GFOD1: variants seen among roughly 807,000 people sequenced by gnomAD.
The protein encoded by GFOD1 is Gfo/Idh/MocA-like oxidoreductase domain containing 1.
Under a neutral mutation model 25.4 loss-of-function variants are expected in GFOD1, and 9 were observed. The observed-to-expected ratio is 0.35, with a 90% CI of 0.21 to 0.62. The LOEUF (loss-of-function observed/expected upper bound fraction) is 0.62. Among genes scored for constraint, GFOD1 ranks in the 20% least tolerant of loss-of-function variants. The pLI, the probability that GFOD1 is intolerant of heterozygous loss-of-function variation, is 0.72. For synonymous variants in GFOD1, 253 were observed against 245.6 expected, an observed-to-expected ratio of 1.03 and a Z score of -0.28; for missense variants, 403 against 556.9, an observed-to-expected ratio of 0.72 and a Z score of 2.78.
chr6:13,427,520 G>A (rs1045907663), intron 1 of GFOD1, among the ~76,000 whole-genome samples: 1 of 152,110 alleles, frequency 6.6e-6, no homozygotes, highest in Non-Finnish European at 1.5e-5. Context: ...GCATGGTGGT[G>A]TGCACCTCTA....
intron 1 of GFOD1, among the ~76,000 whole-genome samples, chr6:13,422,133 AAC>A (rs937350224): frequency 6.6e-6 from 1 of 151,970 alleles, no homozygotes; most frequent in Non-Finnish European, 1.5e-5. Context: ...CACATGCACA[AAC>A]ACACACTCTC....
chr6:13,425,040 C>T (rs61017983), intron 1 of GFOD1, among the ~76,000 whole-genome samples: 9,113 of 150,182 alleles, frequency 0.061, 353 homozygotes, highest in Middle Eastern at 0.12. Flanking sequence ...CTCATTGCAG[C>T]CTTGACCTCC....
At position 13,365,593 on chromosome 6, in the gene GFOD1, G is replaced by C; in HGVS notation, c.323C>G (p.Ala108Gly). The change falls in exon 2 of 2, where the codon GCC (alanine) becomes GGC (glycine). Residue 108 changes from alanine to glycine, a missense_variant. Ala to Gly is a moderately conservative substitution (Grantham distance 60). Coordinates refer to ENST00000379287, the MANE Select transcript of GFOD1 (RefSeq NM_018988.4). The surrounding 1 kb of genome is among the most constrained non-coding windows in gnomAD (Gnocchi z 9.2). Reference sequence around the variant, plus strand: ...GCTCATGAGCTTGGGGTAGTAGTGGGCGGCCGAGGTCATGCGGAAAGCGTC... The same window carrying C: ...GCTCATGAGCTTGGGGTAGTAGTGGCCGGCCGAGGTCATGCGGAAAGCGTC... Reference protein sequence around the residue: ...PLDAFRMTSAAHYYPKLMSIM... With the variant: ...PLDAFRMTSAGHYYPKLMSIM... 3 of 1,607,070 alleles carry C rather than the reference G, an allele frequency of 1.9e-6. No individual in the cohort carries two copies. The highest frequency in any genetic ancestry group is 2.5e-6 in the Non-Finnish European group (3 of 1,179,876).
chr6:13,422,173 C>T (rs1786269996), intron 1 of GFOD1, among the ~76,000 whole-genome samples: 1 of 152,076 alleles, frequency 6.6e-6, no homozygotes, highest in African/African-American at 2.4e-5. Flanking sequence ...TGCCCTTTTC[C>T]AATTAAGGCT....
At chr6:13,380,347 A>C (rs1562198426) in intron 1 of GFOD1, among the ~76,000 whole-genome samples, 1 of 152,244 alleles carries the variant, frequency 6.6e-6, no homozygotes, top group Non-Finnish European at 1.5e-5. Context: ...TGCAAGAAGA[A>C]AGTTATTACT....
intron 1 of GFOD1, among the ~76,000 whole-genome samples, chr6:13,411,086 C>T (rs924193929): frequency 2.6e-5 from 4 of 152,128 alleles, no homozygotes; most frequent in Admixed American, 6.5e-5. Context: ...GCTGTCATTG[C>T]GTTATAGGAC....
Position 13,477,216 on chromosome 6 carries a change from G to GTGTGTGTGTGTGTGT in GFOD1, c.253+9421_253+9422insACACACACACACACA, listed in dbSNP as rs869069113. Among the ~76,000 whole-genome samples, 944 of 140,856 alleles carry GTGTGTGTGTGTGTGT rather than the reference G, an allele frequency of 6.7e-3. 16 individuals are homozygous for GTGTGTGTGTGTGTGT. The highest frequency in any genetic ancestry group is 0.011 in the Non-Finnish European group (690 of 64,982). The allele number at this position is 140,856 out of a possible 152,430, so 92.4% of individuals were successfully genotyped here. On this transcript the variant is annotated intron_variant, in intron 1 of 1. Transcript: ENST00000379287. ...CACCAGAGAAACAGAACCAATAGGG[G>GTGTGTGTGTGTGTGT]GTGTGTGTGTGTGTGTGTGTGTGTG...
intron 1 of GFOD1, among the ~76,000 whole-genome samples, chr6:13,480,553 C>T (rs1001622741): frequency 6.6e-6 from 1 of 152,120 alleles, no homozygotes; most frequent in Non-Finnish European, 1.5e-5. Context: ...CTCACTCTGT[C>T]GCCCAGACTG....
chr6:13,365,010 G>A lies in GFOD1; in HGVS notation c.906C>T (p.Tyr302=), dbSNP rs750688356. The A allele has an allele frequency of 4.3e-6, 7 of 1,610,282 alleles. No individual in the cohort carries two copies. The highest frequency in any genetic ancestry group is 5.9e-6 in the Non-Finnish European group (7 of 1,179,896). The part of the protein sequence containing the change: ...EKAFSDIPSP[Y]LRGTIKMMQA... ...GCATCATCTTGATGGTGCCGCGCAG[G>A]TAGGGCGAGGGGATGTCGCTGAAGG... The change falls in exon 2 of 2, where the codon TAC becomes TAT. Residue 302 remains tyrosine, a synonymous_variant. Transcript: ENST00000379287. This position sits in a 1 kb window ranked among gnomAD's most constrained non-coding sequence, Gnocchi z 9.2.
intron 1 of GFOD1, among the ~76,000 whole-genome samples, chr6:13,462,312 G>T (rs1562226431): frequency 6.6e-6 from 1 of 152,176 alleles, no homozygotes; most frequent in Admixed American, 6.5e-5. Context: ...TCTAATCAGG[G>T]AATGGATATT....
At chr6:13,401,436 C>T (rs536831090) in intron 1 of GFOD1, among the ~76,000 whole-genome samples, 1 of 151,170 alleles carries the variant, frequency 6.6e-6, no homozygotes, top group African/African-American at 2.4e-5. Context: ...GGGAAGGAAC[C>T]AGTCCTTATT....
rs996034503 is a variant in GFOD1, at chr6:13,358,851, T to A, written c.*5892A>T. 4 of 152,316 alleles carry A rather than the reference T, an allele frequency of 2.6e-5. No homozygotes were observed. The highest frequency in any genetic ancestry group is 6.5e-5 in the Admixed American group (1 of 15,288). 9.4% of individuals were successfully genotyped at this position (152,316 alleles called of 1,614,324 possible). ...CATTGCATATAATATGTTCTTTTCA[T>A]GACTCTATTCACTGCTGGTGTAAAC... On this transcript the variant is annotated 3_prime_UTR_variant, in exon 2 of 2. Coordinates refer to ENST00000379287, the MANE Select transcript of GFOD1 (RefSeq NM_018988.4).
In GFOD1 at chr6:13,362,474, A is replaced by T. The variant is rs1784962548; in HGVS notation, c.*2269T>A. ...GAGACTCCATTTCAAAAAAAAAAAA[A>T]AAAAAAGAAGAAGAATGTGAACCAA... On this transcript the variant is annotated 3_prime_UTR_variant, in exon 2 of 2. Transcript: ENST00000379287. The T allele has an allele frequency of 6.6e-6, 1 of 152,276 alleles. No individual in the cohort carries two copies. Among genetic ancestry groups the T allele is most frequent in the African/African-American group, 2.4e-5 (1 of 41,480 alleles). The allele number at this position is 152,276 out of a possible 1,614,324, so 9.4% of individuals were successfully genotyped here.
chr6:13,467,174 A>C (rs561518916), intron 1 of GFOD1, among the ~76,000 whole-genome samples: 4 of 152,344 alleles, frequency 2.6e-5, no homozygotes, highest in Admixed American at 2.6e-4. Flanking sequence ...AGTCATAATA[A>C]AACAGCACAT....
At chr6:13,393,368 C>CAAAAA (rs70989853) in intron 1 of GFOD1, among the ~76,000 whole-genome samples, 3 of 72,488 alleles carry the variant, frequency 4.1e-5, no homozygotes, top group African/African-American at 1.1e-4. Flanking sequence ...AAACAACCAC[C>CAAAAA]AAAAAAAAAA....
intron 1 of GFOD1, among the ~76,000 whole-genome samples, chr6:13,385,239 C>G (rs986063055): frequency 2.6e-5 from 4 of 152,172 alleles, no homozygotes; most frequent in African/African-American, 9.7e-5. Context: ...CGTGTGCCAG[C>G]CTTCCGTGTA....
chr6:13,360,671 G>A lies in GFOD1; in HGVS notation c.*4072C>T, dbSNP rs1485382214. 4.4e-6 allele frequency: 2 copies of A among 454,230 alleles called. 1 individual carries two copies. The highest frequency in any genetic ancestry group is 3.1e-5 in the South Asian group (2 of 64,532). 28.1% of individuals were successfully genotyped at this position (454,230 alleles called of 1,614,324 possible). On this transcript the variant is annotated 3_prime_UTR_variant, in exon 2 of 2. Transcript: ENST00000379287. ...CATTTTGGAATGGGAAGAAACACTGGCTACTTCTATGTGCAGCTCTACAGC... is the reference window on the plus strand; with the variant it reads ...CATTTTGGAATGGGAAGAAACACTGACTACTTCTATGTGCAGCTCTACAGC...
intron 1 of GFOD1, among the ~76,000 whole-genome samples, chr6:13,436,023 G>A (rs201349887): frequency 6.6e-5 from 10 of 152,178 alleles, no homozygotes; most frequent in African/African-American, 1.4e-4. Flanking sequence ...CCCAATTTGC[G>A]TTCTTGACTT....
intron 1 of GFOD1, among the ~76,000 whole-genome samples, chr6:13,376,845 C>T (rs1785266156): frequency 6.6e-6 from 1 of 152,170 alleles, no homozygotes; most frequent in Non-Finnish European, 1.5e-5. Flanking sequence ...TCAGAATCTC[C>T]TTGTTGATTG....
Sources: allele counts gnomAD v4.1 joint callset (sites outside exome capture counted in the v4.1 genomes callset), GRCh38; gene constraint gnomAD v4.1.1; non-coding constraint Gnocchi (gnomAD v3.1); transcripts MANE v1.5; gene names NCBI Gene and HGNC (gene_info 2026-07-23, HGNC 2026-07-21).